THAP4: variants seen among roughly 807,000 people sequenced by gnomAD.
The protein encoded by THAP4 is THAP domain containing 4, also known as peroxynitrite isomerase THAP4.
In THAP4, 18 loss-of-function variants were observed where a neutral mutation model predicts 48.1. The observed-to-expected ratio is 0.37, with a 90% CI of 0.26 to 0.56. THAP4 has a LOEUF of 0.56. THAP4 is among the 20% of genes least tolerant of loss of function. The pLI is 0.78. For synonymous variants in THAP4, 345 were observed against 324.9 expected (o/e 1.06, Z -0.66); for missense variants, 656 against 774.9 (o/e 0.85, Z 1.82).
At chr2:241,591,857 A>G (rs1444612650) in intron 5 of THAP4, 1 of 152,248 alleles carries the variant, frequency 6.6e-6, no homozygotes, top group Non-Finnish European at 1.5e-5. Context: ...TCCATAAAGG[A>G]AGAGATTGGC....
At chr2:241,627,975 T>C (rs1166523279) in intron 2 of THAP4, among the ~76,000 whole-genome samples, 1 of 152,050 alleles carries the variant, frequency 6.6e-6, no homozygotes. Flanking sequence ...TCCTGTCTAC[T>C]TGCCTCACTC....
intron 2 of THAP4, chr2:241,617,403 C>G (rs1331151615): frequency 3.9e-6 from 6 of 1,543,270 alleles, no homozygotes; most frequent in Non-Finnish European, 5.3e-6. Flanking sequence ...ACACTGAAAG[C>G]AGGCTTACCC....
intron 5 of THAP4, among the ~76,000 whole-genome samples, chr2:241,587,719 A>G (rs1458242287): frequency 6.6e-6 from 1 of 152,176 alleles, no homozygotes; most frequent in African/African-American, 2.4e-5. Context: ...AATAAGTAAC[A>G]TATCTCTAAA....
At chr2:241,623,120 GCCTC>G (rs1186104671) in intron 2 of THAP4, among the ~76,000 whole-genome samples, 4 of 152,040 alleles carry the variant, frequency 2.6e-5, no homozygotes, top group Non-Finnish European at 5.9e-5. Flanking sequence ...GGAGGCTAAG[GCCTC>G]CTGAATCACT....
chr2:241,624,400 T>A (rs1019216949), intron 2 of THAP4, among the ~76,000 whole-genome samples: 1 of 151,326 alleles, frequency 6.6e-6, no homozygotes, highest in Non-Finnish European at 1.5e-5. Context: ...GGCAGGAGAA[T>A]CGCTTGAACC....
At chr2:241,619,476 C>A (rs1201720273) in intron 2 of THAP4, among the ~76,000 whole-genome samples, 3 of 152,262 alleles carry the variant, frequency 2.0e-5, no homozygotes, top group East Asian at 1.9e-4. Context: ...AGGCTACACA[C>A]CCCAGTGTGT....
chr2:241,635,149 G>A (rs1241876512), intron 1 of THAP4, among the ~76,000 whole-genome samples: 1 of 152,220 alleles, frequency 6.6e-6, no homozygotes, highest in African/African-American at 2.4e-5. Context: ...GCTGGGAGCC[G>A]TGGCTCATGC....
Position 241,625,818 on chromosome 2 carries a change from A to AAAAAAAG in THAP4, c.1240+7092_1240+7098dup, listed in dbSNP as rs1559233371. 1.2e-3 allele frequency among the ~76,000 whole-genome samples: 164 copies of AAAAAAAG among 140,892 alleles called. 1 individual carries two copies. Among genetic ancestry groups the AAAAAAAG allele is most frequent in the African/African-American group, 4.2e-3 (158 of 37,256 alleles). The allele number at this position is 140,892 out of a possible 152,430, so 92.4% of individuals were successfully genotyped here. A position where few individuals can be genotyped will look rare whatever the true frequency, so the allele number is the denominator to read the frequency against. ...GTCTCAAAAAAAAAAAAAAAAAAAA[A>AAAAAAAG]AAAAAAGAAAAAAGAAAACTACAGA... On this transcript the variant is annotated intron_variant, in intron 2 of 5. Transcript: ENST00000407315.
intron 2 of THAP4, among the ~76,000 whole-genome samples, chr2:241,615,952 T>A (rs2067339923): frequency 1.3e-5 from 2 of 152,148 alleles, no homozygotes; most frequent in South Asian, 2.1e-4. Context: ...CCAGCCCGGC[T>A]GGCCTGGAAG....
At chr2:241,629,349 T>C (rs2067530920) in intron 2 of THAP4, among the ~76,000 whole-genome samples, 1 of 151,796 alleles carries the variant, frequency 6.6e-6, no homozygotes, top group Non-Finnish European at 1.5e-5. Context: ...TATGTGCCTG[T>C]AGTCCCAGCT....
intron 5 of THAP4, among the ~76,000 whole-genome samples, chr2:241,586,499 G>T (rs2066898571): frequency 6.6e-6 from 1 of 151,880 alleles, no homozygotes; most frequent in Non-Finnish European, 1.5e-5. Flanking sequence ...CACACATATT[G>T]TCTAGAATCC....
At chr2:241,636,655 G>C (rs1011828427) in intron 1 of THAP4, among the ~76,000 whole-genome samples, 6 of 152,206 alleles carry the variant, frequency 3.9e-5, no homozygotes, top group Admixed American at 1.3e-4. Flanking sequence ...ATCGGCCCAG[G>C]ACCTGCGCTT....
chr2:241,620,658 C>T (rs1026485777), intron 2 of THAP4, among the ~76,000 whole-genome samples: 19 of 151,142 alleles, frequency 1.3e-4, no homozygotes, highest in South Asian at 4.2e-4. Flanking sequence ...GTGAGTGAGT[C>T]GGTGACTGAG....
intron 2 of THAP4, among the ~76,000 whole-genome samples, chr2:241,615,117 G>A (rs1375266061): frequency 6.6e-6 from 1 of 152,104 alleles, no homozygotes; most frequent in South Asian, 2.1e-4. Flanking sequence ...AGACAAAAAC[G>A]TATATATTCT....
intron 2 of THAP4, among the ~76,000 whole-genome samples, chr2:241,611,757 G>GT (rs1355545738): frequency 7.3e-5 from 11 of 151,696 alleles, no homozygotes; most frequent in African/African-American, 2.7e-4. Context: ...AGAAAGAAAG[G>GT]CATGCTGCTC....
chr2:241,636,976 C>T lies in THAP4; in HGVS notation c.42G>A (p.Gln14=), dbSNP rs751929459. The change falls in exon 1 of 6, where the codon CAG becomes CAA. Residue 14 remains glutamine (Q), a synonymous_variant. Coordinates refer to ENST00000407315, the MANE Select transcript of THAP4 (RefSeq NM_015963.6). ...AGACGGCGCGCTTCTCGCCCTTTCCCTGCCGGTTGGAGCAGTTCACGGCCG... is the reference window on the plus strand; with the variant it reads ...AGACGGCGCGCTTCTCGCCCTTTCCTTGCCGGTTGGAGCAGTTCACGGCCG... ...CCAAVNCSNR[Q]GKGEKRAVSF... 5 of 1,327,666 alleles carry T rather than the reference C, an allele frequency of 3.8e-6. No homozygotes were observed. Among genetic ancestry groups the T allele is most frequent in the Non-Finnish European group, 4.9e-6 (5 of 1,016,098 alleles). 82.2% of individuals were successfully genotyped at this position (1,327,666 alleles called of 1,614,324 possible).
At chr2:241,589,767 G>A (rs1215825410) in intron 5 of THAP4, among the ~76,000 whole-genome samples, 1 of 152,122 alleles carries the variant, frequency 6.6e-6, no homozygotes, top group African/African-American at 2.4e-5. Flanking sequence ...GCCCGGAACT[G>A]GAAACAAATA....
intron 1 of THAP4, among the ~76,000 whole-genome samples, chr2:241,635,827 G>A (rs569447222): frequency 6.6e-6 from 1 of 152,252 alleles, no homozygotes; most frequent in South Asian, 2.1e-4. Context: ...AAGGGACAGG[G>A]TGGTCAGTTC....
intron 5 of THAP4, among the ~76,000 whole-genome samples, chr2:241,590,141 G>A (rs1291134158): frequency 3.4e-5 from 5 of 146,356 alleles, no homozygotes; most frequent in East Asian, 2.0e-4. Context: ...AGAGCTGCTC[G>A]GCTGATGATA....
Sources: gnomAD v4.1 joint callset for allele counts (sites outside exome capture counted in the v4.1 genomes callset) on GRCh38, gnomAD v4.1.1 for gene constraint, MANE v1.5 for transcripts, NCBI Gene and HGNC (gene_info 2026-07-23, HGNC 2026-07-21) for gene names.